Variants in ARHGAP39 observed in about 807,000 individuals in gnomAD.
ARHGAP39 encodes the protein Rho GTPase activating protein 39.
ARHGAP39 carries 44 observed loss-of-function variants against 106.9 expected under a neutral mutation model. The observed-to-expected ratio is 0.41, with a 90% CI of 0.32 to 0.53. The LOEUF is 0.53. Among genes scored for constraint, ARHGAP39 ranks in the 20% least tolerant of loss-of-function variants. The pLI, the probability that ARHGAP39 is intolerant of heterozygous loss-of-function variation, is 0.21. For missense variants in ARHGAP39, 1,496 were observed against 1,577.3 expected (o/e 0.95, Z 0.87); for synonymous variants, 768 against 693.2 (o/e 1.11, Z -1.69).
chr8:144,545,828 G>A lies in ARHGAP39; in HGVS notation c.1960-18C>T, dbSNP rs968909958. The A allele has an allele frequency of 1.1e-5, 17 of 1,498,790 alleles. No individual in the cohort carries two copies. The highest frequency in any genetic ancestry group is 1.4e-5 in the Non-Finnish European group (16 of 1,125,770). 92.8% of individuals were successfully genotyped at this position (1,498,790 alleles called of 1,614,324 possible). A position where few individuals can be genotyped will look rare whatever the true frequency, so the allele number is the denominator to read the frequency against. Reference sequence around the variant, plus strand: ...TCCTCAGACTGAGAAGGACAAATGCGGCTGGGCTGTTGGGGGTGGGGGAGG... The same window carrying A: ...TCCTCAGACTGAGAAGGACAAATGCAGCTGGGCTGTTGGGGGTGGGGGAGG... On this transcript the variant is annotated intron_variant, in intron 5 of 11. Coordinates refer to ENST00000377307, the MANE Select transcript of ARHGAP39 (RefSeq NM_025251.3).
chr8:144,605,420 G>A (rs113651878), intron 2 of ARHGAP39, 115 bp downstream of exon 2: 26 of 1,136,626 alleles, frequency 2.3e-5, no homozygotes, highest in African/African-American at 7.5e-5. Context: ...AACAGCCAGC[G>A]ACGAATCCAT....
At chr8:144,685,471 C>T (rs1822562582) in intron 1 of ARHGAP39, among the ~76,000 whole-genome samples, 1 of 149,372 alleles carries the variant, frequency 6.7e-6, no homozygotes, top group South Asian at 2.1e-4. Context: ...CCTCCGCGCC[C>T]CCCGCCCGGC....
At chr8:144,587,724 G>A (rs951134346) in intron 2 of ARHGAP39, among the ~76,000 whole-genome samples, 8 of 150,592 alleles carry the variant, frequency 5.3e-5, no homozygotes, top group South Asian at 4.2e-4. Context: ...GCGCGATCTC[G>A]GCTCGCTGCG....
Position 144,565,757 on chromosome 8 carries a change from C to G in ARHGAP39, c.513-10114G>C, listed in dbSNP as rs549083499. On this transcript the variant is annotated intron_variant, in intron 3 of 11. Coordinates refer to ENST00000377307, the MANE Select transcript of ARHGAP39 (RefSeq NM_025251.3). ...AGAGCTGCAGGATGACTTCAAGTGACCTGACACATAACTGCAGTGCTGGGT... is the reference window on the plus strand; with the variant it reads ...AGAGCTGCAGGATGACTTCAAGTGAGCTGACACATAACTGCAGTGCTGGGT... 1.3e-4 allele frequency among the ~76,000 whole-genome samples: 20 copies of G among 152,096 alleles called. No individual in the cohort carries two copies. The East Asian group carries it at 3.5e-3, about 26-fold the overall frequency.
chr8:144,570,243 C>T (rs1422204889), intron 3 of ARHGAP39, among the ~76,000 whole-genome samples: 2 of 152,058 alleles, frequency 1.3e-5, no homozygotes, highest in Non-Finnish European at 2.9e-5. Flanking sequence ...AACAAAGAAA[C>T]AAACAAACAA....
At chr8:144,595,217 G>A (rs1410921741) in intron 2 of ARHGAP39, among the ~76,000 whole-genome samples, 1 of 152,170 alleles carries the variant, frequency 6.6e-6, no homozygotes, top group Non-Finnish European at 1.5e-5. Context: ...GATGCATGAA[G>A]AAGCAAAATG....
In ARHGAP39 at chr8:144,587,748, A is replaced by G. The variant is rs529752362; in HGVS notation, c.81-6471T>C. On this transcript the variant is annotated intron_variant, in intron 2 of 11. Coordinates refer to ENST00000377307, the MANE Select transcript of ARHGAP39 (RefSeq NM_025251.3). ...CGGCTCGCTGCGACTTCTGCCTCCC[A>G]GGTTCAAGTGATTTTCCTGCCTCAG... is the stretch of plus-strand genomic sequence containing the variant. Among the ~76,000 whole-genome samples the G allele has an allele frequency of 8.9e-5, 13 of 146,802 alleles. No individual in the cohort carries two copies. The East Asian group carries it at 1.0e-3, about 11-fold the overall frequency.
chr8:144,691,985 G>A, the ARHGAP39 span, among the ~76,000 whole-genome samples: 5 of 151,922 alleles, frequency 3.3e-5, no homozygotes, highest in African/African-American at 1.2e-4. Context: ...ATGGACCACC[G>A]TATACATTAT....
At chr8:144,650,750 T>C (rs949006075) in intron 1 of ARHGAP39, among the ~76,000 whole-genome samples, 1 of 152,094 alleles carries the variant, frequency 6.6e-6, no homozygotes, top group African/African-American at 2.4e-5. Context: ...TGAAGGAACA[T>C]ACCTCAAAAT....
intron 4 of ARHGAP39, among the ~76,000 whole-genome samples, chr8:144,551,858 C>T (rs975420543): frequency 6.6e-6 from 1 of 152,242 alleles, no homozygotes. Context: ...TCCTTTCAGC[C>T]AGTCCGGCCT....
chr8:144,541,959 A>ATTCC (rs1186810654), intron 6 of ARHGAP39, among the ~76,000 whole-genome samples: 30 of 133,570 alleles, frequency 2.2e-4, no homozygotes, highest in African/African-American at 7.7e-4. Context: ...ACCATTTTAC[A>ATTCC]TTCCTTTCTG....
At position 144,547,223 on chromosome 8, in the gene ARHGAP39, G is replaced by A. The variant is rs548604567; in HGVS notation, c.1863C>T (p.Thr621=). 1 of 1,612,612 alleles carries A rather than the reference G, an allele frequency of 6.2e-7. No homozygotes were observed. The highest frequency in any genetic ancestry group is 1.1e-5 in the South Asian group (1 of 91,032). Residue 621 remains threonine (T), a synonymous_variant, in exon 5 of 12, where the codon ACC becomes ACT. Transcript: ENST00000377307. This position sits in a 1 kb window ranked among gnomAD's most constrained non-coding sequence, Gnocchi z 5.2. ...QQENRHWRRG[T]FEKLGFPQIL... Reference sequence around the variant, plus strand: ...TCTGGGGGAAGCCTAGCTTCTCGAAGGTGCCCCTCCTCCAGTGCCTGTTCT... The same window carrying A: ...TCTGGGGGAAGCCTAGCTTCTCGAAAGTGCCCCTCCTCCAGTGCCTGTTCT...
At chr8:144,674,675 G>A (rs543529081) in intron 1 of ARHGAP39, among the ~76,000 whole-genome samples, 37 of 152,290 alleles carry the variant, frequency 2.4e-4, no homozygotes, top group East Asian at 1.9e-4. Context: ...TCAACCTGCC[G>A]TCCATGGTGC....
intron 3 of ARHGAP39, among the ~76,000 whole-genome samples, chr8:144,580,307 C>T (rs1051797463): frequency 1.1e-4 from 16 of 152,276 alleles, no homozygotes; most frequent in African/African-American, 3.1e-4. Context: ...ACCCCACGCC[C>T]GCACGCAAAT....
intron 1 of ARHGAP39, among the ~76,000 whole-genome samples, chr8:144,668,489 G>C (rs1822018428): frequency 6.6e-6 from 1 of 152,030 alleles, no homozygotes; most frequent in Non-Finnish European, 1.5e-5. Flanking sequence ...GCAGGAAGAG[G>C]AAGTATTTTT....
At chr8:144,663,578 C>T (rs1412908359) in intron 1 of ARHGAP39, among the ~76,000 whole-genome samples, 1 of 152,158 alleles carries the variant, frequency 6.6e-6, no homozygotes, top group African/African-American at 2.4e-5. Flanking sequence ...CACAGCCAAC[C>T]ACAGCAGCCT....
At chr8:144,616,931 G>A (rs897994433) in intron 1 of ARHGAP39, among the ~76,000 whole-genome samples, 2 of 152,320 alleles carry the variant, frequency 1.3e-5, no homozygotes, top group Middle Eastern at 3.4e-3. Context: ...ACAAAACAAT[G>A]CTGGGAGCAG....
chr8:144,692,651 T>C, the ARHGAP39 span, among the ~76,000 whole-genome samples: 1 of 151,490 alleles, frequency 6.6e-6, no homozygotes, highest in Non-Finnish European at 1.5e-5. Context: ...GCCGCACCAC[T>C]AATGCTCCAC....
rs979810126 is a variant in ARHGAP39 at position 144,647,778 on chromosome 8, C to T, written c.-82+37908G>A. On this transcript the variant is annotated intron_variant, in intron 1 of 11. Transcript: ENST00000377307. This position sits in a 1 kb window ranked among gnomAD's most constrained non-coding sequence, Gnocchi z 4.8. ...CAGCTGGAAGCCATGCATGCGTCCACGGGGACCCCAAGAGAGGGAACCAGA... is the reference window on the plus strand; with the variant it reads ...CAGCTGGAAGCCATGCATGCGTCCATGGGGACCCCAAGAGAGGGAACCAGA... Among the ~76,000 whole-genome samples the T allele has an allele frequency of 2.6e-5, 4 of 152,192 alleles. No homozygotes were observed. The highest frequency in any genetic ancestry group is 5.9e-5 in the Non-Finnish European group (4 of 68,032).
Sources: gnomAD v4.1 joint callset for allele counts (sites outside exome capture counted in the v4.1 genomes callset) on GRCh38, gnomAD v4.1.1 for gene constraint, Gnocchi (gnomAD v3.1) non-coding constraint, MANE v1.5 for transcripts, NCBI Gene and HGNC (gene_info 2026-07-23, HGNC 2026-07-21) for gene names.